Variants in AHDC1 observed in about 807,000 individuals in gnomAD.
The protein encoded by AHDC1 is AT-hook DNA binding motif containing 1.
A neutral mutation model predicts 87.9 loss-of-function variants in AHDC1; 7 were observed. The ratio of observed to expected loss-of-function variants is 0.08; its 90% CI spans 0.05 to 0.15. AHDC1 has a LOEUF of 0.15. AHDC1 is among the 10% of genes least tolerant of loss of function. AHDC1 has a pLI of 1.00. For missense variants in AHDC1, 1,841 were observed against 2,253.2 expected (o/e 0.82, Z 3.70); for synonymous variants, 1,051 against 1,006.8 (o/e 1.04, Z -0.83).
chr1:27,551,666 G>C lies in AHDC1; in HGVS notation c.450C>G (p.Leu150=), dbSNP rs780527957. The change falls in exon 8 of 9, where the codon CTC becomes CTG. Residue 150 remains leucine, a synonymous_variant. Transcript: ENST00000673934. ...HSGVHLDCGG[L]RLSRPPAPPP... ...GCGGTGCAGGCGGGCGGCTCAGTCG[G>C]AGCCCACCACAGTCCAGGTGTACAC... 1 of 1,613,550 alleles carries C rather than the reference G, an allele frequency of 6.2e-7. No individual in the cohort carries two copies. Among genetic ancestry groups the C allele is most frequent in the African/African-American group, 1.3e-5 (1 of 74,872 alleles).
rs1173537965 is a variant in AHDC1, at chr1:27,551,790, C to A, written c.326G>T (p.Arg109Leu). The A allele has an allele frequency of 6.2e-7, 1 of 1,613,016 alleles. No homozygotes were observed. The highest frequency in any genetic ancestry group is 1.3e-5 in the African/African-American group (1 of 74,818). Residue 109 changes from arginine (R) to leucine (L), a missense_variant, in exon 8 of 9, where the codon CGC becomes CTC. By Grantham distance (102) the Arg-to-Leu change is moderately radical. This residue lies in a region of AHDC1 where 142 missense variants were observed against 165.6 expected (regional missense o/e 0.86). Transcript: ENST00000673934. ...GTTCACCCGCCCGTTGTCCCAGCAG[C>A]GTCGGGAGCTGCTGCCGTCTCCGAC... ...TPVGDGSSSR[R>L]CWDNGRVNLR...
chr1:27,550,644 G>T lies in AHDC1; in HGVS notation c.1472C>A (p.Thr491Asn). The T allele has an allele frequency of 6.2e-7, 1 of 1,613,616 alleles. No individual in the cohort carries two copies. The highest frequency in any genetic ancestry group is 8.5e-7 in the Non-Finnish European group (1 of 1,180,022). ...IPVSLGRRNK[T>N]TYKVSSLSSS... The stretch of plus-strand genomic sequence containing the variant: ...GCTCAAGGAAGACACTTTGTATGTG[G>T]TCTTGTTCCGCCGCCCCAGCGATAC... The change falls in exon 8 of 9, where the codon ACC (threonine) becomes AAC (asparagine). Residue 491 changes from threonine to asparagine, a missense_variant. Thr to Asn is a moderately conservative substitution (Grantham distance 65). Around this residue, in one of 13 missense-constraint regions of AHDC1, gnomAD observed 27 missense variants for 58.6 expected, o/e 0.46. Coordinates refer to ENST00000673934, the MANE Select transcript of AHDC1 (RefSeq NM_001371928.1).
At chr1:27,571,713 C>A (rs940149321) in intron 3 of AHDC1, among the ~76,000 whole-genome samples, 1 of 152,100 alleles carries the variant, frequency 6.6e-6, no homozygotes, top group African/African-American at 2.4e-5. Context: ...TGGGGCTGGC[C>A]CCCAGCCCCC....
At chr1:27,542,305 A>C (rs1477469942) in intron 8 of AHDC1, among the ~76,000 whole-genome samples, 2 of 152,208 alleles carry the variant, frequency 1.3e-5, no homozygotes, top group African/African-American at 4.8e-5. Flanking sequence ...GACTCGGCCC[A>C]ATTGCTAACG....
intron 3 of AHDC1, among the ~76,000 whole-genome samples, chr1:27,594,123 C>CTGTA (rs2089300688): frequency 6.6e-6 from 1 of 152,216 alleles, no homozygotes; most frequent in South Asian, 2.1e-4. Flanking sequence ...TTCTGTGCAT[C>CTGTA]TGTAATTAGG....
rs1571272831 is a variant in AHDC1, at chr1:27,562,993, G to C, written c.-628-4110C>G. Among the ~76,000 whole-genome samples the C allele has an allele frequency of 6.6e-6, 1 of 152,060 alleles. No individual in the cohort carries two copies. Among genetic ancestry groups the C allele is most frequent in the South Asian group, 2.1e-4 (1 of 4,830 alleles). On this transcript the variant is annotated intron_variant, in intron 3 of 8. Coordinates refer to ENST00000673934, the MANE Select transcript of AHDC1 (RefSeq NM_001371928.1). This position sits in a 1 kb window ranked among gnomAD's most constrained non-coding sequence, Gnocchi z 4.4. ...CTCCAAACATGAGATGGGCACACCT[G>C]ACACACCCTCGACAGCATGGGGCAG...
Position 27,547,679 on chromosome 1 carries a change from A to G in AHDC1, c.4437T>C (p.Tyr1479=), listed in dbSNP as rs370633362. ...GCAGCCCTGTACCCACCTTGCCTTCATAGGGCGGGCTGCGGGCAGCTGAGC... is the reference window on the plus strand; with the variant it reads ...GCAGCCCTGTACCCACCTTGCCTTCGTAGGGCGGGCTGCGGGCAGCTGAGC... ...PPGSAARSPP[Y]EGKVGTGLLA... is the part of the protein sequence containing the mutation. Residue 1479 remains tyrosine (Y), a synonymous_variant, in exon 8 of 9, where the codon TAT becomes TAC. Transcript: ENST00000673934. This position sits in a 1 kb window ranked among gnomAD's most constrained non-coding sequence, Gnocchi z 4.9. The G allele has an allele frequency of 2.5e-6, 4 of 1,595,660 alleles. No homozygotes were observed. Among genetic ancestry groups the G allele is most frequent in the South Asian group, 1.1e-5 (1 of 89,624 alleles).
chr1:27,588,488 C>T (rs1481373764), intron 3 of AHDC1, among the ~76,000 whole-genome samples: 1 of 152,202 alleles, frequency 6.6e-6, no homozygotes, highest in Non-Finnish European at 1.5e-5. Flanking sequence ...AATACAAGGC[C>T]ACAGCAGGCA....
Position 27,551,602 on chromosome 1 carries a change from T to A in AHDC1, c.514A>T (p.Ser172Cys), listed in dbSNP as rs747317821. The A allele has an allele frequency of 6.2e-7, 1 of 1,611,474 alleles. No homozygotes were observed. The highest frequency in any genetic ancestry group is 8.5e-7 in the Non-Finnish European group (1 of 1,178,022). ...GGGCTACGGATGCTGTTGGCCAAACTGGGTGAGGAGAAGAAGCTGTACTGT... is the reference window on the plus strand; with the variant it reads ...GGGCTACGGATGCTGTTGGCCAAACAGGGTGAGGAGAAGAAGCTGTACTGT... ...DLQYSFFSSP[S>C]LANSIRSPEE... The change falls in exon 8 of 9, where the codon AGT becomes TGT. Residue 172 changes from serine (S) to cysteine (C), a missense_variant. Physicochemically the swap from Ser to Cys is moderately radical, Grantham distance 112. Transcript: ENST00000673934.
At chr1:27,546,069 G>C (rs1023430704) in intron 8 of AHDC1, among the ~76,000 whole-genome samples, 1 of 152,182 alleles carries the variant, frequency 6.6e-6, no homozygotes, top group Non-Finnish European at 1.5e-5. Context: ...AGCACGGATG[G>C]GACTTTCCAG....
intron 5 of AHDC1, among the ~76,000 whole-genome samples, chr1:27,557,582 C>T (rs1024786596): frequency 1.3e-5 from 2 of 152,214 alleles, no homozygotes; most frequent in African/African-American, 4.8e-5. Flanking sequence ...GCCACATGTG[C>T]ACATCACTCC....
At chr1:27,546,352 C>A (rs541625954) in intron 8 of AHDC1, among the ~76,000 whole-genome samples, 38 of 152,146 alleles carry the variant, frequency 2.5e-4, no homozygotes, top group South Asian at 4.1e-4. Flanking sequence ...TTTTAAAACA[C>A]CAAATCTTGA....
chr1:27,534,261 G>GTTTTTTTTTTTTT lies in AHDC1; in HGVS notation c.*698_*699insAAAAAAAAAAAAA, dbSNP rs1195913812. On this transcript the variant is annotated 3_prime_UTR_variant, in exon 9 of 9. Coordinates refer to ENST00000673934, the MANE Select transcript of AHDC1 (RefSeq NM_001371928.1). Reference sequence around the variant, plus strand: ...GACACAAGGTTGGTTTTTTTTTTTTGTTTTTTTTTTGTTTTTTTTTTGCTT... The same window carrying GTTTTTTTTTTTTT: ...GACACAAGGTTGGTTTTTTTTTTTTGTTTTTTTTTTTTTTTTTTTTTTTGTTTTTTTTTTGCTT... 15 of 89,606 alleles carry GTTTTTTTTTTTTT rather than the reference G, an allele frequency of 1.7e-4. No homozygotes were observed. The highest frequency in any genetic ancestry group is 3.6e-4 in the South Asian group (1 of 2,758). The allele number at this position is 89,606 out of a possible 1,614,324, so 5.6% of individuals were successfully genotyped here.
Position 27,565,082 on chromosome 1 carries a change from C to T in AHDC1, c.-628-6199G>A, listed in dbSNP as rs575402400. 3.3e-5 allele frequency among the ~76,000 whole-genome samples: 5 copies of T among 152,286 alleles called. No individual in the cohort carries two copies. Among genetic ancestry groups the T allele is most frequent in the East Asian group, 1.9e-4 (1 of 5,182 alleles). On this transcript the variant is annotated intron_variant, in intron 3 of 8. Transcript: ENST00000673934. The surrounding 1 kb of genome is among the most constrained non-coding windows in gnomAD (Gnocchi z 4.6). ...TAAAGCGTGGCGACAGATGGCCTGCCGAGGCAGCGGCGATCTGGGCGGCTG... is the reference window on the plus strand; with the variant it reads ...TAAAGCGTGGCGACAGATGGCCTGCTGAGGCAGCGGCGATCTGGGCGGCTG...
intron 3 of AHDC1, among the ~76,000 whole-genome samples, chr1:27,596,828 T>C: frequency 6.6e-6 from 1 of 151,724 alleles, no homozygotes; most frequent in East Asian, 1.9e-4. Context: ...CATCCACACA[T>C]ACATACCTGA....
Position 27,548,373 on chromosome 1 carries a change from C to T in AHDC1, c.3743G>A (p.Gly1248Asp). The T allele has an allele frequency of 1.2e-6, 2 of 1,607,434 alleles. No homozygotes were observed. The highest frequency in any genetic ancestry group is 1.7e-6 in the Non-Finnish European group (2 of 1,175,260). ...AGCGGCAGAGGCGGATGTCGGGAAG[C>T]CCAGATGTGAGGCCTCGAACAGGTC... ...KVDLFEASHL[G>D]FPTSASAAAS... is the part of the protein sequence containing the mutation. The change falls in exon 8 of 9, where the codon GGC becomes GAC. Residue 1248 changes from glycine (G) to aspartate (D), a missense_variant. Physicochemically the swap from Gly to Asp is moderately conservative, Grantham distance 94. Transcript: ENST00000673934.
chr1:27,572,675 G>A (rs192883039), intron 3 of AHDC1, among the ~76,000 whole-genome samples: 32 of 152,336 alleles, frequency 2.1e-4, no homozygotes, highest in African/African-American at 6.0e-4. Context: ...AAACCACGCA[G>A]TGTGGGACTG....
At chr1:27,589,222 G>A (rs936705410) in intron 3 of AHDC1, among the ~76,000 whole-genome samples, 1 of 152,166 alleles carries the variant, frequency 6.6e-6, no homozygotes, top group Non-Finnish European at 1.5e-5. Context: ...GGTCGAGGAC[G>A]AGGCCCAGAT....
chr1:27,570,053 A>C (rs1406227844), intron 3 of AHDC1, among the ~76,000 whole-genome samples: 1 of 151,666 alleles, frequency 6.6e-6, no homozygotes, highest in Non-Finnish European at 1.5e-5. Flanking sequence ...CCTCCTGTTA[A>C]CCCTCTGCAT....
Sources: allele counts gnomAD v4.1 joint callset (sites outside exome capture counted in the v4.1 genomes callset), GRCh38; gene constraint gnomAD v4.1.1; regional missense constraint gnomAD v4.1.1; non-coding constraint Gnocchi (gnomAD v3.1); transcripts MANE v1.5; gene names NCBI Gene and HGNC (gene_info 2026-07-23, HGNC 2026-07-21).